The following C10orf90 variants were observed in gnomAD, a reference collection of about 807,000 sequenced individuals.
C10orf90 encodes chromosome 10 open reading frame 90, also known as (E2-independent) E3 ubiquitin-conjugating enzyme FATS.
C10orf90 carries 56 observed loss-of-function variants against 62.5 expected under a neutral mutation model. The observed-to-expected ratio is 0.90, with a 90% CI of 0.72 to 1.12. C10orf90 has a LOEUF of 1.12. Among genes scored for constraint, C10orf90 ranks in the 50% most tolerant of loss-of-function variants. The pLI is 0.00. For missense variants in C10orf90, 970 were observed against 880.4 expected (o/e 1.10, Z -1.29); for synonymous variants, 386 against 340.4 (o/e 1.13, Z -1.47).
At chr10:126,468,126 T>G (rs1253813615) in intron 4 of C10orf90, among the ~76,000 whole-genome samples, 2 of 150,682 alleles carry the variant, frequency 1.3e-5, no homozygotes, top group Non-Finnish European at 2.9e-5. Context: ...CATGTTGGAG[T>G]GGCACTATCT....
intron 4 of C10orf90, among the ~76,000 whole-genome samples, chr10:126,498,633 C>A (rs753570244): frequency 1.4e-4 from 21 of 152,248 alleles, no homozygotes; most frequent in Non-Finnish European, 3.1e-4. Flanking sequence ...GAAAGAAGAG[C>A]TTCTTCCCCC....
chr10:126,612,705 C>T lies in C10orf90; in HGVS notation c.313+33860G>A, dbSNP rs143667220. Among the ~76,000 whole-genome samples the T allele has an allele frequency of 2.8e-3, 428 of 152,278 alleles. 3 individuals carry two copies. The highest frequency in any genetic ancestry group is 2.6e-3 in the Non-Finnish European group (175 of 68,014). ...AACATGTAAGCTATGATTTCCACTC[C>T]TCGGGGTTCAACTACCCAAACCTGG... On this transcript the variant is annotated intron_variant, in intron 2 of 9. Transcript: ENST00000488181.
At chr10:126,567,715 G>A (rs758254315) in intron 2 of C10orf90, among the ~76,000 whole-genome samples, 46 of 152,096 alleles carry the variant, frequency 3.0e-4, no homozygotes, top group Non-Finnish European at 6.3e-4. Flanking sequence ...AGCAAGGTGG[G>A]GACACAGAGG....
chr10:126,569,182 G>T (rs541727806), intron 2 of C10orf90, among the ~76,000 whole-genome samples: 2 of 152,308 alleles, frequency 1.3e-5, no homozygotes, highest in Admixed American at 1.3e-4. Context: ...GGCTGCCAGG[G>T]GTGGGTAGCC....
intron 3 of C10orf90, among the ~76,000 whole-genome samples, chr10:126,510,879 A>C (rs1863067000): frequency 6.6e-6 from 1 of 152,262 alleles, no homozygotes; most frequent in Non-Finnish European, 1.5e-5. Flanking sequence ...ATCGGCTCCT[A>C]AGCCACTGGA....
At chr10:126,429,899 A>G in intron 7 of C10orf90, 49 bp from the exon 8 acceptor site, 2 of 1,455,088 alleles carry the variant, frequency 1.4e-6, no homozygotes, top group Non-Finnish European at 9.7e-7. Context: ...AGAATCTCAC[A>G]CATTTCTAGA....
intron 2 of C10orf90, among the ~76,000 whole-genome samples, chr10:126,585,408 G>A (rs1844844876): frequency 6.6e-6 from 1 of 150,720 alleles, no homozygotes; most frequent in Admixed American, 6.6e-5. Flanking sequence ...AGAAAAGGAG[G>A]GAAGAAGGGA....
At chr10:126,547,497 T>A (rs1281718138) in intron 2 of C10orf90, among the ~76,000 whole-genome samples, 36 of 72,252 alleles carry the variant, frequency 5.0e-4, no homozygotes, top group Admixed American at 7.6e-4. Flanking sequence ...TTTAACTGAG[T>A]GAAAAAAAAA....
At chr10:126,493,435 A>G (rs896074142) in intron 4 of C10orf90, among the ~76,000 whole-genome samples, 14 of 150,866 alleles carry the variant, frequency 9.3e-5, no homozygotes, top group African/African-American at 3.4e-4. Flanking sequence ...ACCTCAGCTC[A>G]CTGCAACCTC....
intron 4 of C10orf90, chr10:126,496,797 G>A (rs1862085478): frequency 1.3e-6 from 1 of 798,192 alleles, no homozygotes; most frequent in Non-Finnish European, 1.5e-6. Flanking sequence ...GGCTTTGTTG[G>A]GTCATCAACG....
At position 126,456,476 on chromosome 10, in the gene C10orf90, T is replaced by C. The variant is rs554392073; in HGVS notation, c.2188+2564A>G. ...CTGAGCCTGGTTACCTTTTATTACA[T>C]ACAATTTTAAGACTTCCATTTAAAA... is the stretch of plus-strand genomic sequence containing the variant. On this transcript the variant is annotated intron_variant, in intron 7 of 9. Transcript: ENST00000488181. This position sits in a 1 kb window ranked among gnomAD's most constrained non-coding sequence, Gnocchi z 4.9. Among the ~76,000 whole-genome samples, 1 of 152,322 alleles carries C rather than the reference T, an allele frequency of 6.6e-6. No homozygotes were observed. The highest frequency in any genetic ancestry group is 1.5e-5 in the Non-Finnish European group (1 of 68,028).
intron 2 of C10orf90, among the ~76,000 whole-genome samples, chr10:126,563,938 G>A (rs1844235540): frequency 6.6e-6 from 1 of 152,160 alleles, no homozygotes; most frequent in South Asian, 2.1e-4. Context: ...CAGCACTGCT[G>A]ACCCCTGGGG....
At chr10:126,512,940 AG>A (rs1863220065) in intron 3 of C10orf90, among the ~76,000 whole-genome samples, 1 of 152,214 alleles carries the variant, frequency 6.6e-6, no homozygotes, top group African/African-American at 2.4e-5. Flanking sequence ...GCTAAATCAA[AG>A]TAATACCTAA....
chr10:126,521,097 A>T (rs963054314), intron 2 of C10orf90, among the ~76,000 whole-genome samples: 5 of 152,170 alleles, frequency 3.3e-5, no homozygotes, highest in African/African-American at 1.2e-4. Flanking sequence ...GCTACCGTGC[A>T]TCCTTTTCAT....
At chr10:126,650,155 AT>A (rs1591174905) in intron 1 of C10orf90, among the ~76,000 whole-genome samples, 1 of 152,132 alleles carries the variant, frequency 6.6e-6, no homozygotes, top group African/African-American at 2.4e-5. Flanking sequence ...GTTGACTCCA[AT>A]TTTTACTATT....
intron 7 of C10orf90, among the ~76,000 whole-genome samples, chr10:126,454,649 T>C (rs1473017274): frequency 2.6e-5 from 4 of 151,556 alleles, no homozygotes; most frequent in African/African-American, 9.7e-5. Flanking sequence ...TACTTGCAGG[T>C]ACTGTCCCCA....
intron 4 of C10orf90, among the ~76,000 whole-genome samples, chr10:126,499,870 T>A (rs1455660787): frequency 6.6e-6 from 1 of 152,198 alleles, no homozygotes; most frequent in Non-Finnish European, 1.5e-5. Context: ...TTTTGCTCCC[T>A]CTACTTGGAT....
At chr10:126,542,104 T>C (rs1345743082) in intron 2 of C10orf90, among the ~76,000 whole-genome samples, 1 of 152,168 alleles carries the variant, frequency 6.6e-6, no homozygotes, top group Non-Finnish European at 1.5e-5. Flanking sequence ...ACATGAAATG[T>C]CCAGAGTAGG....
chr10:126,552,856 G>A (rs978070901), intron 2 of C10orf90, among the ~76,000 whole-genome samples: 20 of 152,336 alleles, frequency 1.3e-4, no homozygotes, highest in African/African-American at 4.8e-4. Flanking sequence ...TTAGGGTTAT[G>A]AGAATTAATG....
Sources: allele counts gnomAD v4.1 joint callset (sites outside exome capture counted in the v4.1 genomes callset), GRCh38; gene constraint gnomAD v4.1.1; non-coding constraint Gnocchi (gnomAD v3.1); transcripts MANE v1.5; gene names NCBI Gene and HGNC (gene_info 2026-07-23, HGNC 2026-07-21).